PAFAH1B2: variants seen among roughly 807,000 people sequenced by gnomAD.
The protein encoded by PAFAH1B2 is platelet activating factor acetylhydrolase 1b catalytic subunit 2.
PAFAH1B2 carries 8 observed loss-of-function variants against 28.0 expected under a neutral mutation model. That is an observed-to-expected ratio of 0.29 (90% CI 0.17 to 0.52). The LOEUF (loss-of-function observed/expected upper bound fraction) is 0.52. PAFAH1B2 is among the 20% of genes least tolerant of loss of function. The probability of loss-of-function intolerance (pLI) is 0.97; values close to 1 mark genes in which losing one functional copy is unlikely to be tolerated. For missense variants in PAFAH1B2, 190 were observed against 282.6 expected (o/e 0.67, Z 2.35); for synonymous variants, 104 against 103.2 (o/e 1.01, Z -0.05).
At chr11:117,156,993 G>C (rs1956268307) in intron 2 of PAFAH1B2, among the ~76,000 whole-genome samples, 1 of 148,550 alleles carries the variant, frequency 6.7e-6, no homozygotes, top group Non-Finnish European at 1.5e-5. Context: ...CTGTACTCCA[G>C]TAGTCTGGGT....
In PAFAH1B2 at chr11:117,167,986, T is replaced by G. The variant is rs1349911654; in HGVS notation, c.*287T>G. On this transcript the variant is annotated 3_prime_UTR_variant, in exon 6 of 6. Coordinates refer to ENST00000527958, the MANE Select transcript of PAFAH1B2 (RefSeq NM_002572.4). ...CACATTCATTGAATTATTATCACTG[T>G]TTTCTTGGGACAACATCAAGCCTAA... 22 of 1,087,570 alleles carry G rather than the reference T, an allele frequency of 2.0e-5. No individual in the cohort carries two copies. Among genetic ancestry groups the G allele is most frequent in the Non-Finnish European group, 2.3e-5 (21 of 894,800 alleles). 67.4% of individuals were successfully genotyped at this position (1,087,570 alleles called of 1,614,324 possible).
chr11:117,164,603 A>G (rs12420127), intron 5 of PAFAH1B2, among the ~76,000 whole-genome samples: 7,023 of 152,270 alleles, frequency 0.046, 230 homozygotes, highest in Middle Eastern at 0.1. Flanking sequence ...AATCTTCTCT[A>G]AAACATAAAA....
exon 6 of PAFAH1B2, chr11:117,176,291 CAG>C (rs1457211018): frequency 2.9e-6 from 1 of 344,568 alleles, no homozygotes; most frequent in Non-Finnish European, 5.3e-6. Context: ...TGTGCTTGGA[CAG>C]GGGCCAAAAC....
intron 1 of PAFAH1B2, among the ~76,000 whole-genome samples, chr11:117,144,852 C>T (rs1384591189): frequency 6.6e-6 from 1 of 152,180 alleles, no homozygotes; most frequent in Non-Finnish European, 1.5e-5. Flanking sequence ...CCGCTGCTGC[C>T]TTTTCCCTTT....
chr11:117,163,649 G>GGT (rs1173504931), intron 4 of PAFAH1B2, 121 bp from the exon 5 acceptor site: 2 of 996,374 alleles, frequency 2.0e-6, no homozygotes, highest in Admixed American at 4.3e-5. Flanking sequence ...CTCCAGTCTG[G>GGT]GTGATAGAGC....
At chr11:117,172,368 A>G (rs1956670606), downstream of PAFAH1B2, among the ~76,000 whole-genome samples, 1 of 4,710 alleles carries the variant, frequency 2.1e-4, no homozygotes, top group African/African-American at 4.4e-4. Flanking sequence ...ATATATATAT[A>G]TATATATATA....
At chr11:117,174,269 TG>T (rs1956733513), downstream of PAFAH1B2, among the ~76,000 whole-genome samples, 1 of 151,040 alleles carries the variant, frequency 6.6e-6, no homozygotes, top group Non-Finnish European at 1.5e-5. Context: ...CTGCAACCTC[TG>T]CCTCCCAGGT....
chr11:117,156,160 C>T (rs1956250684), intron 2 of PAFAH1B2, among the ~76,000 whole-genome samples: 1 of 152,194 alleles, frequency 6.6e-6, no homozygotes, highest in Admixed American at 6.6e-5. Context: ...GCACTCCACC[C>T]TCGGTGACGG....
In PAFAH1B2 at chr11:117,167,653, A is replaced by G; in HGVS notation, c.644A>G (p.Gln215Arg). Residue 215 changes from glutamine to arginine, a missense_variant, in exon 6 of 6, where the codon CAG (glutamine) becomes CGG (arginine). By Grantham distance (43) the Gln-to-Arg change is conservative. Coordinates refer to ENST00000527958, the MANE Select transcript of PAFAH1B2 (RefSeq NM_002572.4). ...AAACCCCTGCATGAACTGATCATGC[A>G]GTTGTTGGAGGAAACACCTGAGGAG... ...ICKPLHELIM[Q>R]LLEETPEEKQ... 1 of 1,579,586 alleles carries G rather than the reference A, an allele frequency of 6.3e-7. No individual in the cohort carries two copies. The highest frequency in any genetic ancestry group is 8.7e-7 in the Non-Finnish European group (1 of 1,155,982).
chr11:117,158,027 A>G (rs1199958321), intron 2 of PAFAH1B2, among the ~76,000 whole-genome samples: 2 of 151,884 alleles, frequency 1.3e-5, no homozygotes, highest in Non-Finnish European at 2.9e-5. Context: ...AATCCCAGCT[A>G]CTCGGGAGGC....
intron 4 of PAFAH1B2, 133 bp downstream of exon 4, chr11:117,161,394 A>C: frequency 1.8e-6 from 1 of 559,968 alleles, no homozygotes; most frequent in Non-Finnish European, 3.1e-6. Context: ...CTTTAAGGTA[A>C]ATGATACTGT....
Position 117,159,773 on chromosome 11 carries a change from T to G in PAFAH1B2, c.82-161T>G, listed in dbSNP as rs1300304837. The G allele has an allele frequency of 7.5e-6, 4 of 532,406 alleles. No individual in the cohort carries two copies. The African/African-American group carries it at 7.6e-5, about 10-fold the overall frequency. 33.0% of individuals were successfully genotyped at this position (532,406 alleles called of 1,614,324 possible). A position where few individuals can be genotyped will look rare whatever the true frequency, so the allele number is the denominator to read the frequency against. On this transcript the variant is annotated intron_variant, in intron 2 of 5. Coordinates refer to ENST00000527958, the MANE Select transcript of PAFAH1B2 (RefSeq NM_002572.4). Reference sequence around the variant, plus strand: ...AAAAGAAAGAAAAAAGTTGTTTTTGTAGAGATGGGATCTTGATATATTACC... The same window carrying G: ...AAAAGAAAGAAAAAAGTTGTTTTTGGAGAGATGGGATCTTGATATATTACC...
chr11:117,175,076 T>A, downstream of PAFAH1B2: 1 of 1,286,098 alleles, frequency 7.8e-7, no homozygotes, highest in Non-Finnish European at 9.9e-7. Context: ...CTTTGGTCCA[T>A]TCAACACTCA....
downstream of PAFAH1B2, among the ~76,000 whole-genome samples, chr11:117,173,665 C>T (rs925910771): frequency 7.9e-5 from 12 of 152,248 alleles, no homozygotes; most frequent in East Asian, 1.9e-4. Context: ...GTCCTTTTTC[C>T]GTAATACCAT....
chr11:117,160,102 T>A (rs1472677976), intron 3 of PAFAH1B2, 79 bp downstream of exon 3: 4 of 994,750 alleles, frequency 4.0e-6, no homozygotes, highest in Admixed American at 3.5e-5. Flanking sequence ...CATTCTGAGC[T>A]GAACTTACTT....
In PAFAH1B2 at chr11:117,164,807, G is replaced by A. The variant is rs559589057; in HGVS notation, c.411+915G>A. ...TCCCAGCACTTTGGGAGGCCGAGGC[G>A]GGTGGATCACAAGGTCAGGATTTCA... On this transcript the variant is annotated intron_variant, in intron 5 of 5. Coordinates refer to ENST00000527958, the MANE Select transcript of PAFAH1B2 (RefSeq NM_002572.4). Among the ~76,000 whole-genome samples, 38 of 151,910 alleles carry A rather than the reference G, an allele frequency of 2.5e-4. 1 individual carries two copies. The South Asian group carries it at 7.5e-3, about 30-fold the overall frequency.
intron 3 of PAFAH1B2, 77 bp from the exon 4 acceptor site, chr11:117,161,068 C>CT: frequency 1.1e-6 from 1 of 889,322 alleles, no homozygotes; most frequent in Non-Finnish European, 1.8e-6. Flanking sequence ...AAATTAATGC[C>CT]TTGCAACACA....
In PAFAH1B2 at chr11:117,160,029, G is replaced by T. The variant is rs747657194; in HGVS notation, c.171+6G>T. The T allele has an allele frequency of 6.3e-7, 1 of 1,598,800 alleles. No individual in the cohort carries two copies. Among genetic ancestry groups the T allele is most frequent in the Non-Finnish European group, 8.6e-7 (1 of 1,166,102 alleles). On this transcript the variant is annotated splice_donor_region_variant and intron_variant, in intron 3 of 5. Coordinates refer to ENST00000527958, the MANE Select transcript of PAFAH1B2 (RefSeq NM_002572.4). ...AGTTAATGCAGCAATATGAGGTAAA[G>T]GTGGAAGGGATGAGCGTGGTTCTTG...
intron 1 of PAFAH1B2, among the ~76,000 whole-genome samples, chr11:117,145,524 C>T (rs1406036101): frequency 6.6e-6 from 1 of 152,190 alleles, no homozygotes; most frequent in East Asian, 1.9e-4. Flanking sequence ...TGCCTTGTGT[C>T]TTTGGCTTCT....
Sources: allele counts gnomAD v4.1 joint callset (sites outside exome capture counted in the v4.1 genomes callset), GRCh38; gene constraint gnomAD v4.1.1; transcripts MANE v1.5; gene names NCBI Gene and HGNC (gene_info 2026-07-23, HGNC 2026-07-21).